Variants in AMOT observed in about 807,000 individuals in gnomAD.
AMOT encodes the protein angiomotin.
A neutral mutation model predicts 67.0 loss-of-function variants in AMOT; 11 were observed. The observed-to-expected ratio is 0.16, with a 90% CI of 0.10 to 0.27. The LOEUF is 0.27. AMOT is among the 10% of genes least tolerant of loss of function. AMOT has a pLI of 1.00. For synonymous variants in AMOT, 326 were observed against 321.4 expected (o/e 1.01, Z -0.15); for missense variants, 753 against 852.0 (o/e 0.88, Z 1.45).
chrX:112,818,704 C>T (rs1348483773), intron 4 of AMOT, among the ~76,000 whole-genome samples: 8 of 110,996 alleles, frequency 7.2e-5, no homozygotes, highest in Non-Finnish European at 1.1e-4. Context: ...TTGGAGGGGG[C>T]GGATGTCAGA....
chrX:112,828,808 T>A (rs749716701), intron 2 of AMOT, among the ~76,000 whole-genome samples: 2 of 112,352 alleles, frequency 1.8e-5, no homozygotes, highest in South Asian at 7.4e-4. Context: ...ACAAAGGAGA[T>A]GCTTAATAAC....
chrX:112,834,195 C>T lies in AMOT; in HGVS notation c.-288-1825G>A, dbSNP rs145779606. Reference sequence around the variant, plus strand: ...CACAAATATTCCAAGTATGCACCACCGTCATTCTCCTTTCAATTATGTGGT... The same window carrying T: ...CACAAATATTCCAAGTATGCACCACTGTCATTCTCCTTTCAATTATGTGGT... On this transcript the variant is annotated intron_variant, in intron 1 of 13. Coordinates refer to ENST00000371959, the MANE Select transcript of AMOT (RefSeq NM_001113490.2). Among the ~76,000 whole-genome samples the T allele has an allele frequency of 8.9e-5, 10 of 111,917 alleles. No homozygotes were observed. In the East Asian group the frequency reaches 1.7e-3, roughly 19 times the overall value.
intron 3 of AMOT, among the ~76,000 whole-genome samples, chrX:112,824,376 T>A (rs535875785): frequency 9.0e-6 from 1 of 111,553 alleles, no homozygotes; most frequent in South Asian, 3.8e-4. Flanking sequence ...ACAATAAAGG[T>A]CAGTTTAACC....
chrX:112,778,291 C>G lies in AMOT; in HGVS notation c.*276G>C. 9.1e-6 allele frequency: 2 copies of G among 219,104 alleles called. No individual in the cohort carries two copies. The highest frequency in any genetic ancestry group is 8.3e-6 in the Non-Finnish European group (1 of 120,593). 18.1% of individuals were successfully genotyped at this position (219,104 alleles called of 1,213,427 possible). A position where few individuals can be genotyped will look rare whatever the true frequency, so the allele number is the denominator to read the frequency against. Reference sequence around the variant, plus strand: ...CACATTGAAAACGTCGATGTATAGCCACCTGTTAACAGTCCCAGTATTCGT... The same window carrying G: ...CACATTGAAAACGTCGATGTATAGCGACCTGTTAACAGTCCCAGTATTCGT... On this transcript the variant is annotated 3_prime_UTR_variant, in exon 14 of 14. Coordinates refer to ENST00000371959, the MANE Select transcript of AMOT (RefSeq NM_001113490.2).
chrX:112,834,923 G>T (rs765195578), intron 1 of AMOT, among the ~76,000 whole-genome samples: 1 of 112,176 alleles, frequency 8.9e-6, no homozygotes, highest in Non-Finnish European at 1.9e-5. Flanking sequence ...GTACAAAACT[G>T]TTTAATTTTT....
At chrX:112,819,382 G>A (rs1934655381) in intron 4 of AMOT, 1 of 752,663 alleles carries the variant, frequency 1.3e-6, no homozygotes, top group East Asian at 1.5e-4. Flanking sequence ...TGTGAATCCT[G>A]GAGCAGGCTG....
Position 112,788,621 on chromosome X carries a change from A to ACC in AMOT, c.2117+1969_2117+1970dup, listed in dbSNP as rs1034158934. The stretch of plus-strand genomic sequence containing the variant: ...AGAAATAGGAAGGTCTGAAGGAATC[A>ACC]CCTAGTCCAATTCCCATATTTTACA... On this transcript the variant is annotated intron_variant, in intron 10 of 13. Coordinates refer to ENST00000371959, the MANE Select transcript of AMOT (RefSeq NM_001113490.2). Among the ~76,000 whole-genome samples, 92 of 112,323 alleles carry ACC rather than the reference A, an allele frequency of 8.2e-4. 1 individual carries two copies. The highest frequency in any genetic ancestry group is 1.3e-3 in the Non-Finnish European group (70 of 53,267).
intron 1 of AMOT, among the ~76,000 whole-genome samples, chrX:112,835,444 T>C (rs767725212): frequency 2.3e-4 from 25 of 110,485 alleles, no homozygotes; most frequent in African/African-American, 8.2e-4. Flanking sequence ...CAGGATCATA[T>C]ATTACAAAAA....
At position 112,822,793 on chromosome X, in the gene AMOT, C is replaced by A. The variant is rs1427156840; in HGVS notation, c.334G>T (p.Ala112Ser). ...CGAAAGTACTGGGACTGGACCTTGG[C>A]TTCTTCATAGGTCGGGAGTTCTTCA... The part of the protein sequence containing the change: ...NNEELPTYEE[A>S]KVQSQYFRGQ... The change falls in exon 4 of 14, where the codon GCC becomes TCC. Residue 112 changes from alanine to serine, a missense_variant. Physicochemically the swap from Ala to Ser is moderately conservative, Grantham distance 99. Coordinates refer to ENST00000371959, the MANE Select transcript of AMOT (RefSeq NM_001113490.2). 8.6e-7 allele frequency: 1 copy of A among 1,167,344 alleles called. No homozygotes were observed. Among genetic ancestry groups the A allele is most frequent in the Admixed American group, 2.6e-5 (1 of 38,678 alleles).
In AMOT at chrX:112,774,989, T is replaced by C. The variant is rs1422558788; in HGVS notation, c.*3578A>G. On this transcript the variant is annotated 3_prime_UTR_variant, in exon 14 of 14. Transcript: ENST00000371959. Reference sequence around the variant, plus strand: ...AGTTGATTACAGAATGGGGTCACAATCATTAGGGGACCACATACATTTTAA... The same window carrying C: ...AGTTGATTACAGAATGGGGTCACAACCATTAGGGGACCACATACATTTTAA... 8.9e-6 allele frequency: 1 copy of C among 112,217 alleles called. No homozygotes were observed. The highest frequency in any genetic ancestry group is 1.9e-5 in the Non-Finnish European group (1 of 53,297). The allele number at this position is 112,217 out of a possible 1,213,427, so 9.2% of individuals were successfully genotyped here. A position where few individuals can be genotyped will look rare whatever the true frequency, so the allele number is the denominator to read the frequency against.
chrX:112,828,509 T>G (rs1461424903), intron 2 of AMOT, among the ~76,000 whole-genome samples: 1 of 734 alleles, frequency 1.4e-3, no homozygotes, highest in Non-Finnish European at 7.3e-3. Context: ...AAAGTAGCCT[T>G]TTTTTTTTTT....
chrX:112,829,869 C>T (rs1029083739), intron 2 of AMOT, among the ~76,000 whole-genome samples: 1 of 112,010 alleles, frequency 8.9e-6, no homozygotes, highest in East Asian at 2.8e-4. Flanking sequence ...CTCCCTCTAT[C>T]TCCCAGCACA....
Position 112,840,580 on chromosome X carries a change from C to T in AMOT, c.-417G>A, listed in dbSNP as rs1384285459. ...GCTGCTCCCCTCCTCGCTGCTCCGT[C>T]CGGGCTCTCCTTGGTGGCAGCGGAC... is the stretch of plus-strand genomic sequence containing the variant. On this transcript the variant is annotated 5_prime_UTR_variant, in exon 1 of 14. Transcript: ENST00000371959. 8.8e-6 allele frequency: 1 copy of T among 113,237 alleles called. No individual in the cohort carries two copies. The highest frequency in any genetic ancestry group is 3.2e-5 in the African/African-American group (1 of 31,227). 9.3% of individuals were successfully genotyped at this position (113,237 alleles called of 1,213,427 possible). A position where few individuals can be genotyped will look rare whatever the true frequency, so the allele number is the denominator to read the frequency against.
chrX:112,790,776 C>T lies in AMOT; in HGVS notation c.1933G>A (p.Gly645Ser). ...GAAACGTTGGTGGGCTGACAGTTGC[C>T]CTGACGCTGTTGGGGCAGATGCAGA... ...LESLRIQQRQ[G>S]NCQPTNVSEY... Residue 645 changes from glycine to serine, a missense_variant, in exon 10 of 14, where the codon GGC (glycine) becomes AGC (serine). Gly to Ser is a moderately conservative substitution (Grantham distance 56). Around this residue, in one of 5 missense-constraint regions of AMOT, gnomAD observed 66 missense variants for 112.9 expected, o/e 0.58. Transcript: ENST00000371959. The T allele has an allele frequency of 1.2e-5, 14 of 1,180,635 alleles. No homozygotes were observed. The highest frequency in any genetic ancestry group is 1.6e-5 in the Non-Finnish European group (14 of 879,750).
chrX:112,810,287 G>GA (rs934645643), intron 6 of AMOT, among the ~76,000 whole-genome samples: 6 of 110,857 alleles, frequency 5.4e-5, no homozygotes, highest in Middle Eastern at 4.6e-3. Context: ...TCATTAACCA[G>GA]AAAAAAAAGA....
Position 112,815,872 on chromosome X carries a change from G to A in AMOT, c.878C>T (p.Ala293Val), listed in dbSNP as rs761571019. 2.1e-5 allele frequency: 24 copies of A among 1,161,046 alleles called. No homozygotes were observed. The highest frequency in any genetic ancestry group is 7.9e-5 in the Admixed American group (3 of 38,195). The change falls in exon 5 of 14, where the codon GCG becomes GTG. Residue 293 changes from alanine (A) to valine (V), a missense_variant. By Grantham distance (64) the Ala-to-Val change is moderately conservative (BLOSUM62 0). Transcript: ENST00000371959. ...HPPEYGAARP[A>V]QDISLPLSAR... The stretch of plus-strand genomic sequence containing the variant: ...TGACAATGGCAATGAGATGTCCTGC[G>A]CTGGCCTGTAAAACATGAAGGGCAG...
intron 10 of AMOT, among the ~76,000 whole-genome samples, chrX:112,783,691 A>ATG (rs34787381): frequency 0.087 from 8,712 of 100,352 alleles, 525 homozygotes; most frequent in African/African-American, 0.2. Flanking sequence ...AAGGAAAAAC[A>ATG]TGTGTGTGTG....
At chrX:112,779,754 CCATT>C in intron 12 of AMOT, 74 bp from the exon 13 acceptor site, 1 of 582,042 alleles carries the variant, frequency 1.7e-6, no homozygotes, top group South Asian at 8.2e-5. Flanking sequence ...ACCTGTTCTC[CCATT>C]CAAATTTCAG....
chrX:112,807,031 T>G (rs771285092), intron 7 of AMOT, among the ~76,000 whole-genome samples: 10 of 111,825 alleles, frequency 8.9e-5, no homozygotes, highest in African/African-American at 3.2e-4. Context: ...AGAAACTATT[T>G]AACCAGAACC....
Sources: gnomAD v4.1 joint callset for allele counts (sites outside exome capture counted in the v4.1 genomes callset) on GRCh38, gnomAD v4.1.1 for gene constraint, gnomAD v4.1.1 regional missense constraint, MANE v1.5 for transcripts, NCBI Gene and HGNC (gene_info 2026-07-23, HGNC 2026-07-21) for gene names.